AGMO: variants seen among roughly 807,000 people sequenced by gnomAD.
AGMO encodes the protein glyceryl-ether monooxygenase.
A neutral mutation model predicts 60.2 loss-of-function variants in AGMO; 75 were observed. That is an observed-to-expected ratio of 1.25 (90% CI 1.03 to 1.51). AGMO has a LOEUF of 1.51. Ranked by LOEUF, AGMO falls within the 40% of genes most tolerant of loss-of-function variation. The pLI is 0.00. For synonymous variants in AGMO, 261 were observed against 177.1 expected (o/e 1.47, Z -3.76); for missense variants, 763 against 525.5 (o/e 1.45, Z -4.42).
intron 3 of AGMO, among the ~76,000 whole-genome samples, chr7:15,467,438 G>C (rs1158927363): frequency 6.6e-6 from 1 of 152,168 alleles, no homozygotes; most frequent in Admixed American, 6.6e-5. Flanking sequence ...ATTTTTACTA[G>C]TTTTGATATG....
chr7:15,531,804 G>T (rs1784374620), intron 3 of AGMO, among the ~76,000 whole-genome samples: 1 of 150,582 alleles, frequency 6.6e-6, no homozygotes. Context: ...GGGATTATAG[G>T]ATTACAGGTG....
chr7:15,359,184 G>A lies in AGMO; in HGVS notation c.1263+6330C>T, dbSNP rs150674688. On this transcript the variant is annotated intron_variant, in intron 12 of 12. Coordinates refer to ENST00000342526, the MANE Select transcript of AGMO (RefSeq NM_001004320.2). ...GGAACCTGTAGTCCCAGCTACTCGG[G>A]AGGCTGAGGCAGGAGAAATGCATGA... Among the ~76,000 whole-genome samples the A allele has an allele frequency of 4.9e-3, 737 of 151,308 alleles. 7 individuals carry two copies. The highest frequency in any genetic ancestry group is 0.017 in the South Asian group (81 of 4,808).
intron 12 of AGMO, among the ~76,000 whole-genome samples, chr7:15,283,241 T>C (rs533082495): frequency 6.6e-6 from 1 of 152,196 alleles, no homozygotes; most frequent in Non-Finnish European, 1.5e-5. Flanking sequence ...CTCACATTAA[T>C]GTTGAATGTA....
chr7:15,176,342 A>T, the AGMO span, among the ~76,000 whole-genome samples: 1 of 151,872 alleles, frequency 6.6e-6, no homozygotes, highest in Non-Finnish European at 1.5e-5. Flanking sequence ...TCTACAACTG[A>T]CTCAGTTTTT....
chr7:15,167,950 T>C, the AGMO span, among the ~76,000 whole-genome samples: 2 of 152,194 alleles, frequency 1.3e-5, no homozygotes, highest in Non-Finnish European at 2.9e-5. Flanking sequence ...GCTGTCTCTA[T>C]AGAATAGAAA....
chr7:15,346,819 T>G lies in AGMO; in HGVS notation c.1263+18695A>C, dbSNP rs535702055. 9.3e-4 allele frequency among the ~76,000 whole-genome samples: 141 copies of G among 151,958 alleles called. 9 individuals are homozygous for G. The highest frequency in any genetic ancestry group is 2.5e-4 in the Non-Finnish European group (17 of 67,876). On this transcript the variant is annotated intron_variant, in intron 12 of 12. Transcript: ENST00000342526. Reference sequence around the variant, plus strand: ...TCTGAATTGAACTGTATCTTATTATTATGATTTTAAAATTAGAACTTGTTT... The same window carrying G: ...TCTGAATTGAACTGTATCTTATTATGATGATTTTAAAATTAGAACTTGTTT...
At chr7:15,516,400 T>C (rs1783807416) in intron 3 of AGMO, among the ~76,000 whole-genome samples, 3 of 152,230 alleles carry the variant, frequency 2.0e-5, no homozygotes, top group African/African-American at 7.2e-5. Context: ...GCAAGTTTTA[T>C]CATTTTCCAA....
chr7:15,469,888 G>A (rs1320509298), intron 3 of AGMO, among the ~76,000 whole-genome samples: 1 of 151,958 alleles, frequency 6.6e-6, no homozygotes, highest in Non-Finnish European at 1.5e-5. Context: ...TGGAGACTAG[G>A]ATGATTGTCA....
chr7:15,207,606 C>CTAAAATATAG (rs1420827955), intron 12 of AGMO, among the ~76,000 whole-genome samples: 2 of 152,160 alleles, frequency 1.3e-5, no homozygotes, highest in African/African-American at 4.8e-5. Context: ...TTTAGTTTAA[C>CTAAAATATAG]TTTGTCAAAA....
intron 10 of AGMO, among the ~76,000 whole-genome samples, chr7:15,367,015 G>A (rs572700718): frequency 6.6e-6 from 1 of 152,008 alleles, no homozygotes; most frequent in Non-Finnish European, 1.5e-5. Flanking sequence ...TTAAGTACAT[G>A]TACGGCAGTC....
At chr7:15,528,941 C>G (rs141984475) in intron 3 of AGMO, among the ~76,000 whole-genome samples, 1 of 152,262 alleles carries the variant, frequency 6.6e-6, no homozygotes, top group Non-Finnish European at 1.5e-5. Flanking sequence ...AGACACCGCG[C>G]CCGGCCAACC....
chr7:15,387,402 T>C lies in AGMO; in HGVS notation c.957+4A>G. The C allele has an allele frequency of 6.2e-7, 1 of 1,612,940 alleles. No individual in the cohort carries two copies. Among genetic ancestry groups the C allele is most frequent in the South Asian group, 1.1e-5 (1 of 90,984 alleles). Reference sequence around the variant, plus strand: ...CCATCTCCAATTCTGTGAACTCTATTTACCTCTGGAATTTCTTCACTGAGA... The same window carrying C: ...CCATCTCCAATTCTGTGAACTCTATCTACCTCTGGAATTTCTTCACTGAGA... On this transcript the variant is annotated splice_donor_region_variant and intron_variant, in intron 9 of 12. Transcript: ENST00000342526.
At chr7:15,540,675 A>T (rs1562562729) in intron 3 of AGMO, among the ~76,000 whole-genome samples, 1 of 152,194 alleles carries the variant, frequency 6.6e-6, no homozygotes, top group Admixed American at 6.5e-5. Flanking sequence ...CTTGGTTGAC[A>T]CTGATACAGT....
chr7:15,516,737 G>T (rs1783816736), intron 3 of AGMO, among the ~76,000 whole-genome samples: 1 of 151,758 alleles, frequency 6.6e-6, no homozygotes, highest in Non-Finnish European at 1.5e-5. Flanking sequence ...TCAGCCCTTG[G>T]GAGAAGTGAA....
the AGMO span, among the ~76,000 whole-genome samples, chr7:15,162,373 G>A: frequency 6.6e-6 from 1 of 152,120 alleles, no homozygotes; most frequent in Non-Finnish European, 1.5e-5. Context: ...GGTTTGCTAT[G>A]CCATTTTAGG....
chr7:15,420,733 C>A (rs560261120), intron 4 of AGMO, among the ~76,000 whole-genome samples: 1 of 152,232 alleles, frequency 6.6e-6, no homozygotes, highest in Non-Finnish European at 1.5e-5. Context: ...ACTAAGTTAA[C>A]TGAAGAAATT....
At chr7:15,558,933 A>G (rs893672041) in intron 2 of AGMO, among the ~76,000 whole-genome samples, 1 of 152,114 alleles carries the variant, frequency 6.6e-6, no homozygotes, top group African/African-American at 2.4e-5. Context: ...AAAACAGGAC[A>G]AGAAGAAATG....
intron 12 of AGMO, among the ~76,000 whole-genome samples, chr7:15,338,542 C>G (rs1781734671): frequency 6.6e-6 from 1 of 152,172 alleles, no homozygotes; most frequent in African/African-American, 2.4e-5. Context: ...TTCCTCTTTC[C>G]CCAGTGCAGT....
the AGMO span, among the ~76,000 whole-genome samples, chr7:15,171,131 G>C: frequency 1.3e-5 from 2 of 151,964 alleles, no homozygotes; most frequent in Admixed American, 6.6e-5. Context: ...GCAGGCGCCC[G>C]CCACCACGCC....
Sources: gnomAD v4.1 joint callset for allele counts (sites outside exome capture counted in the v4.1 genomes callset) on GRCh38, gnomAD v4.1.1 for gene constraint, MANE v1.5 for transcripts, NCBI Gene and HGNC (gene_info 2026-07-23, HGNC 2026-07-21) for gene names.